Variants in PDZD8 observed in about 807,000 individuals in gnomAD.
The protein encoded by PDZD8 is PDZ domain-containing protein 8.
A neutral mutation model predicts 85.8 loss-of-function variants in PDZD8; 14 were observed. That is an observed-to-expected ratio of 0.16 (90% CI 0.11 to 0.26). The LOEUF is 0.26. Ranked by LOEUF, PDZD8 falls within the 10% of genes least tolerant of loss-of-function variation. The probability of loss-of-function intolerance (pLI) is 1.00; values close to 1 mark genes in which losing one functional copy is unlikely to be tolerated. For synonymous variants in PDZD8, 592 were observed against 568.6 expected, an observed-to-expected ratio of 1.04 and a Z score of -0.59; for missense variants, 1,197 against 1,424.3, an observed-to-expected ratio of 0.84 and a Z score of 2.57.
chr10:117,315,620 C>CA (rs1844116197), intron 3 of PDZD8, among the ~76,000 whole-genome samples: 1 of 137,188 alleles, frequency 7.3e-6, no homozygotes, highest in Admixed American at 7.2e-5. Flanking sequence ...AAACAATAAT[C>CA]TATTTTGTGT....
chr10:117,299,309 CA>C (rs1425094525), intron 3 of PDZD8, among the ~76,000 whole-genome samples: 1 of 152,132 alleles, frequency 6.6e-6, no homozygotes, highest in Non-Finnish European at 1.5e-5. Flanking sequence ...GATCTTTTTG[CA>C]AAGAATTTCC....
intron 1 of PDZD8, among the ~76,000 whole-genome samples, chr10:117,365,047 A>G (rs561209246): frequency 2.0e-5 from 3 of 152,226 alleles, no homozygotes; most frequent in Admixed American, 6.5e-5. Flanking sequence ...TAACATGGGT[A>G]TATCAGGGGA....
At chr10:117,330,191 C>G (rs1844398150) in intron 2 of PDZD8, among the ~76,000 whole-genome samples, 1 of 151,814 alleles carries the variant, frequency 6.6e-6, no homozygotes, top group South Asian at 2.1e-4. Flanking sequence ...CTCACCTCCT[C>G]TCTATATTCC....
At position 117,374,799 on chromosome 10, in the gene PDZD8, C is replaced by A; in HGVS notation, c.429G>T (p.Leu143=). Reference sequence around the variant, plus strand: ...CGCCCAGGAACACGTCCCGCAGGCTCAGCCCCTCCAGCAGGCGCCCGGCCG... The same window carrying A: ...CGCCCAGGAACACGTCCCGCAGGCTAAGCCCCTCCAGCAGGCGCCCGGCCG... ...TKTAGRLLEG[L]SLRDVFLGET... is the part of the protein sequence containing the mutation. The change falls in exon 1 of 5, where the codon CTG becomes CTT. Residue 143 remains leucine (L), a synonymous_variant. Coordinates refer to ENST00000334464, the MANE Select transcript of PDZD8 (RefSeq NM_173791.5). The surrounding 1 kb of genome is among the most constrained non-coding windows in gnomAD (Gnocchi z 7.8). The A allele has an allele frequency of 6.2e-7, 1 of 1,613,272 alleles. No individual in the cohort carries two copies. The highest frequency in any genetic ancestry group is 8.5e-7 in the Non-Finnish European group (1 of 1,179,870).
At chr10:117,340,862 A>T in intron 2 of PDZD8, 118 bp downstream of exon 2, 1 of 1,156,796 alleles carries the variant, frequency 8.6e-7, no homozygotes, top group Non-Finnish European at 1.2e-6. Flanking sequence ...ATTTACAATT[A>T]AAGAATTTAC....
In PDZD8 at chr10:117,285,566, A is replaced by G. The variant is rs1844648050; in HGVS notation, c.1262-95T>C. 4 of 1,192,044 alleles carry G rather than the reference A, an allele frequency of 3.4e-6. No homozygotes were observed. The South Asian group carries it at 8.3e-5, about 25-fold the overall frequency. The allele number at this position is 1,192,044 out of a possible 1,614,324, so 73.8% of individuals were successfully genotyped here. A position where few individuals can be genotyped will look rare whatever the true frequency, so the allele number is the denominator to read the frequency against. On this transcript the variant is annotated intron_variant, in intron 4 of 4. Transcript: ENST00000334464. ...ATTTAATTAAATATATATAATTGCC[A>G]TTACCTCTGGTTATTTAACTAATAG... is the stretch of plus-strand genomic sequence containing the variant.
At chr10:117,329,198 T>C (rs1222529900) in intron 2 of PDZD8, among the ~76,000 whole-genome samples, 1 of 152,146 alleles carries the variant, frequency 6.6e-6, no homozygotes, top group Non-Finnish European at 1.5e-5. Context: ...AAATATGCAA[T>C]AAATGAGTAT....
chr10:117,298,738 C>T (rs762930172), intron 3 of PDZD8, among the ~76,000 whole-genome samples: 5 of 151,786 alleles, frequency 3.3e-5, no homozygotes, highest in Non-Finnish European at 4.4e-5. Context: ...CAAGGTTGAT[C>T]GATTCTAAAA....
intron 2 of PDZD8, among the ~76,000 whole-genome samples, chr10:117,335,354 C>A (rs1482288479): frequency 6.6e-6 from 1 of 152,050 alleles, no homozygotes; most frequent in Admixed American, 6.5e-5. Flanking sequence ...TACCAGATGA[C>A]AATTTTGATA....
intron 1 of PDZD8, 21 bp from the exon 2 acceptor site, chr10:117,341,123 T>C: frequency 6.2e-7 from 1 of 1,607,436 alleles, no homozygotes; most frequent in South Asian, 1.1e-5. Context: ...TAAAGATAAG[T>C]CTAAATGTCT....
At chr10:117,353,730 G>A (rs1844845960) in intron 1 of PDZD8, among the ~76,000 whole-genome samples, 1 of 145,576 alleles carries the variant, frequency 6.9e-6, no homozygotes, top group South Asian at 2.3e-4. Context: ...GTTAATTACT[G>A]GCTACAGACA....
At chr10:117,307,450 C>T (rs1843963488) in intron 3 of PDZD8, among the ~76,000 whole-genome samples, 2 of 151,988 alleles carry the variant, frequency 1.3e-5, no homozygotes, top group Admixed American at 1.3e-4. Flanking sequence ...TATTGATCAA[C>T]TTACAAAAGA....
intron 3 of PDZD8, among the ~76,000 whole-genome samples, chr10:117,298,941 G>A (rs2803816): frequency 0.77 from 116,811 of 151,830 alleles, 45,598 homozygotes; most frequent in Non-Finnish European, 0.85. Flanking sequence ...ATCGGTATAT[G>A]CTCAGATACA....
intron 1 of PDZD8, among the ~76,000 whole-genome samples, chr10:117,349,551 C>T (rs913401408): frequency 6.6e-6 from 1 of 152,032 alleles, no homozygotes; most frequent in Non-Finnish European, 1.5e-5. Context: ...GCCTGTAATC[C>T]CAACACTTTG....
At chr10:117,317,420 T>TG (rs11423237) in intron 3 of PDZD8, among the ~76,000 whole-genome samples, 116,810 of 152,010 alleles carry the variant, frequency 0.77, 45,537 homozygotes, top group Non-Finnish European at 0.85. Context: ...CTGTAGACAC[T>TG]TTGCTGACAT....
At chr10:117,335,641 AAGC>A (rs771193461) in intron 2 of PDZD8, among the ~76,000 whole-genome samples, 4 of 152,188 alleles carry the variant, frequency 2.6e-5, no homozygotes, top group Non-Finnish European at 5.9e-5. Flanking sequence ...CTAAATCTGA[AAGC>A]AATCTGAAAC....
At chr10:117,362,175 T>TAACTC (rs1274662812) in intron 1 of PDZD8, among the ~76,000 whole-genome samples, 1 of 152,214 alleles carries the variant, frequency 6.6e-6, no homozygotes, top group Non-Finnish European at 1.5e-5. Flanking sequence ...TATAAGTACC[T>TAACTC]AACTCAAGTT....
At position 117,277,897 on chromosome 10, in the gene PDZD8, G is replaced by A. The variant is rs955788403; in HGVS notation, c.*5371C>T. 3 of 152,212 alleles carry A rather than the reference G, an allele frequency of 2.0e-5. No homozygotes were observed. The highest frequency in any genetic ancestry group is 4.4e-5 in the Non-Finnish European group (3 of 68,032). 9.4% of individuals were successfully genotyped at this position (152,212 alleles called of 1,614,324 possible). On this transcript the variant is annotated 3_prime_UTR_variant, in exon 5 of 5. Coordinates refer to ENST00000334464, the MANE Select transcript of PDZD8 (RefSeq NM_173791.5). ...CTATGTAATCACCTACCTAGAGAGA[G>A]TTGTAAATTATATGTTAACATGTTA...
At chr10:117,325,685 G>A (rs1027622312) in intron 2 of PDZD8, among the ~76,000 whole-genome samples, 28 of 152,200 alleles carry the variant, frequency 1.8e-4, no homozygotes, top group African/African-American at 6.5e-4. Context: ...TTACAGGCAT[G>A]AGCCACCACG....
Sources: gnomAD v4.1 joint callset for allele counts (sites outside exome capture counted in the v4.1 genomes callset) on GRCh38, gnomAD v4.1.1 for gene constraint, Gnocchi (gnomAD v3.1) non-coding constraint, MANE v1.5 for transcripts, NCBI Gene and HGNC (gene_info 2026-07-23, HGNC 2026-07-21) for gene names.